PRKCB: variants seen among roughly 807,000 people sequenced by gnomAD.
PRKCB encodes the protein protein kinase C beta, also known as protein kinase C beta type.
Under a neutral mutation model 81.5 loss-of-function variants are expected in PRKCB, and 13 were observed. The observed-to-expected ratio is 0.16, with a 90% CI of 0.10 to 0.25. The LOEUF is 0.25. PRKCB is among the 10% of genes least tolerant of loss of function. The pLI, the probability that PRKCB is intolerant of heterozygous loss-of-function variation, is 1.00. For missense variants in PRKCB, 509 were observed against 875.7 expected (o/e 0.58, Z 5.29); for synonymous variants, 335 against 321.4 (o/e 1.04, Z -0.45).
intron 2 of PRKCB, among the ~76,000 whole-genome samples, chr16:23,958,589 C>T (rs935716394): frequency 2.0e-5 from 3 of 152,144 alleles, no homozygotes; most frequent in Non-Finnish European, 4.4e-5. Context: ...AGGTGTGAGC[C>T]ACTGCGCCCA....
At chr16:23,989,736 T>C (rs1283873068) in intron 3 of PRKCB, among the ~76,000 whole-genome samples, 1 of 152,114 alleles carries the variant, frequency 6.6e-6, no homozygotes, top group African/African-American at 2.4e-5. Context: ...AAGTTTAGGG[T>C]ACATTGTTGA....
At chr16:23,999,821 C>A (rs565988163) in intron 3 of PRKCB, among the ~76,000 whole-genome samples, 37 of 152,300 alleles carry the variant, frequency 2.4e-4, no homozygotes, top group Non-Finnish European at 4.6e-4. Context: ...GAGGTACTTT[C>A]CCTGGGCACA....
chr16:24,101,241 T>G (rs1284249457), intron 7 of PRKCB, among the ~76,000 whole-genome samples: 1 of 152,194 alleles, frequency 6.6e-6, no homozygotes, highest in Non-Finnish European at 1.5e-5. Flanking sequence ...GCTGTTATCG[T>G]CTTTGTTTTA....
At chr16:23,907,674 A>G (rs1296757740) in intron 2 of PRKCB, among the ~76,000 whole-genome samples, 1 of 152,166 alleles carries the variant, frequency 6.6e-6, no homozygotes, top group Non-Finnish European at 1.5e-5. Flanking sequence ...GGAGGTGCCT[A>G]TCTATCTCAG....
rs546918958 is a variant in PRKCB at position 24,192,533 on chromosome 16, A to G, written c.1863+1303A>G. ...AACTCAGAGGTGAGATGCATAACTC[A>G]TATGGTTTTTGTGGGGTTATTTATG... On this transcript the variant is annotated intron_variant, in intron 16 of 16. Coordinates refer to ENST00000643927, the MANE Select transcript of PRKCB (RefSeq NM_002738.7). 1.4e-3 allele frequency among the ~76,000 whole-genome samples: 207 copies of G among 152,320 alleles called. 2 individuals are homozygous for G. The highest frequency in any genetic ancestry group is 9.1e-4 in the Admixed American group (14 of 15,306).
chr16:24,004,391 G>A (rs533692518), intron 3 of PRKCB, among the ~76,000 whole-genome samples: 1 of 148,728 alleles, frequency 6.7e-6, no homozygotes, highest in Non-Finnish European at 1.5e-5. Context: ...AAAACAAAAA[G>A]CATAAACGGG....
chr16:24,130,243 GGAGGTATACACATTCA>G (rs1415062081), intron 9 of PRKCB, among the ~76,000 whole-genome samples: 26 of 152,110 alleles, frequency 1.7e-4, no homozygotes. Context: ...AAAATGCAGT[GGAGGTATACACATTCA>G]TTTAAAAAAT....
At chr16:24,102,330 T>G (rs1255138135) in intron 7 of PRKCB, among the ~76,000 whole-genome samples, 1 of 152,220 alleles carries the variant, frequency 6.6e-6, no homozygotes, top group Non-Finnish European at 1.5e-5. Flanking sequence ...ATAAAAGTCC[T>G]CCTCAGATTT....
intron 14 of PRKCB, 102 bp from the exon 15 acceptor site, chr16:24,185,358 G>A (rs1165056371): frequency 4.4e-5 from 55 of 1,243,174 alleles, no homozygotes; most frequent in Non-Finnish European, 5.7e-5. Context: ...TGGGTGTGTG[G>A]CTTCACTGTG....
chr16:24,027,890 C>A (rs7203020), intron 3 of PRKCB, among the ~76,000 whole-genome samples: 7,985 of 152,088 alleles, frequency 0.053, 273 homozygotes, highest in African/African-American at 0.077. Flanking sequence ...CCACCTTGGC[C>A]TCCCTAGTAG....
intron 3 of PRKCB, among the ~76,000 whole-genome samples, chr16:24,006,869 G>A (rs1965130104): frequency 6.6e-6 from 1 of 152,208 alleles, no homozygotes; most frequent in South Asian, 2.1e-4. Context: ...CACAGATGTT[G>A]CGCCAATTGG....
chr16:23,903,004 T>C (rs959700570), intron 2 of PRKCB, among the ~76,000 whole-genome samples: 16 of 147,862 alleles, frequency 1.1e-4, no homozygotes, highest in Non-Finnish European at 1.5e-4. Context: ...TTTTTTTTTT[T>C]CCTTTTTCTG....
At chr16:23,871,442 C>A (rs7189228) in intron 2 of PRKCB, among the ~76,000 whole-genome samples, 63,881 of 151,984 alleles carry the variant, frequency 0.42, 13,747 homozygotes, top group South Asian at 0.64. Context: ...CCCCTGTCCC[C>A]CTCTGTCTCT....
chr16:23,920,103 T>G (rs1252075333), intron 2 of PRKCB, among the ~76,000 whole-genome samples: 2 of 152,236 alleles, frequency 1.3e-5, no homozygotes, highest in African/African-American at 4.8e-5. Flanking sequence ...CTGCACCATT[T>G]TGCATTCCCA....
intron 2 of PRKCB, among the ~76,000 whole-genome samples, chr16:23,901,296 A>G (rs574816432): frequency 3.3e-5 from 5 of 151,894 alleles, no homozygotes; most frequent in East Asian, 1.9e-4. Flanking sequence ...CCCTCTCCCA[A>G]TGGGCTGTAT....
At chr16:24,043,030 C>A (rs369648061) in intron 5 of PRKCB, among the ~76,000 whole-genome samples, 7 of 152,296 alleles carry the variant, frequency 4.6e-5, no homozygotes, top group South Asian at 2.1e-4. Context: ...AGCCACTGTG[C>A]CCGGTGATGT....
intron 4 of PRKCB, 115 bp downstream of exon 4, chr16:24,032,362 G>C: frequency 1.6e-6 from 1 of 631,734 alleles, no homozygotes; most frequent in South Asian, 2.1e-5. Context: ...CCTCGTTGGG[G>C]CTGGTGTACC....
At chr16:24,156,627 G>A (rs763586623) in intron 10 of PRKCB, among the ~76,000 whole-genome samples, 29 of 152,126 alleles carry the variant, frequency 1.9e-4, no homozygotes, top group Non-Finnish European at 3.4e-4. Context: ...ACAATAGAAA[G>A]AAAAATATTA....
chr16:24,152,723 G>A (rs1967097974), intron 9 of PRKCB, among the ~76,000 whole-genome samples: 2 of 152,148 alleles, frequency 1.3e-5, no homozygotes, highest in South Asian at 4.1e-4. Context: ...CATCCCTTGG[G>A]TACCAGGGAG....
Sources: allele counts gnomAD v4.1 joint callset (sites outside exome capture counted in the v4.1 genomes callset), GRCh38; gene constraint gnomAD v4.1.1; transcripts MANE v1.5; gene names NCBI Gene and HGNC (gene_info 2026-07-23, HGNC 2026-07-21).